The following MYOM2 variants were observed in gnomAD, a reference collection of about 807,000 sequenced individuals.
MYOM2 encodes myomesin 2.
In MYOM2, 254 loss-of-function variants were observed where a neutral mutation model predicts 187.6. That is an observed-to-expected ratio of 1.35 (90% CI 1.22 to 1.50). MYOM2 has a LOEUF of 1.50. MYOM2 is among the 40% of genes most tolerant of loss of function. MYOM2 has a pLI of 0.00. For missense variants in MYOM2, 2,796 were observed against 1,924.0 expected, an observed-to-expected ratio of 1.45 and a Z score of -8.48; for synonymous variants, 981 against 753.8, an observed-to-expected ratio of 1.30 and a Z score of -4.94.
intron 32 of MYOM2, among the ~76,000 whole-genome samples, chr8:2,140,037 C>G (rs1462351144): frequency 6.6e-6 from 1 of 152,110 alleles, no homozygotes; most frequent in Non-Finnish European, 1.5e-5. Context: ...TCCTCCCACC[C>G]GAAACTCTGT....
intron 34 of MYOM2, 144 bp downstream of exon 34, chr8:2,141,321 G>A (rs921813419): frequency 9.4e-6 from 6 of 640,310 alleles, no homozygotes; most frequent in African/African-American, 7.2e-5. Flanking sequence ...TTTAAGCAAT[G>A]CAGTATATGG....
chr8:2,093,859 T>C, intron 16 of MYOM2, 111 bp from the exon 17 acceptor site: 1 of 1,254,716 alleles, frequency 8.0e-7, no homozygotes, highest in Non-Finnish European at 1.1e-6. Flanking sequence ...ATGAAGGATG[T>C]ATGTTATCCA....
chr8:2,132,484 A>G (rs1274067714), intron 32 of MYOM2, among the ~76,000 whole-genome samples: 2 of 152,220 alleles, frequency 1.3e-5, no homozygotes, highest in Non-Finnish European at 2.9e-5. Context: ...GGTGAGATTA[A>G]TATATCATCT....
chr8:2,136,657 C>G (rs552109827), intron 32 of MYOM2, among the ~76,000 whole-genome samples: 1 of 152,294 alleles, frequency 6.6e-6, no homozygotes, highest in Admixed American at 6.5e-5. Context: ...CCACTGCTGC[C>G]CAGCCGGTGT....
At chr8:2,115,199 A>C (rs946548376) in intron 25 of MYOM2, among the ~76,000 whole-genome samples, 3 of 152,050 alleles carry the variant, frequency 2.0e-5, no homozygotes, top group Non-Finnish European at 2.9e-5. Flanking sequence ...ACAAAACATA[A>C]AAAAGAGAAA....
At chr8:2,140,956 A>G (rs1798254413) in intron 33 of MYOM2, 70 bp downstream of exon 33, 1 of 1,474,606 alleles carries the variant, frequency 6.8e-7, no homozygotes, top group Non-Finnish European at 9.2e-7. Flanking sequence ...GAAGGGAGGG[A>G]ATACAATATG....
intron 32 of MYOM2, among the ~76,000 whole-genome samples, chr8:2,138,941 A>G (rs954271820): frequency 3.3e-5 from 5 of 151,808 alleles, no homozygotes; most frequent in Admixed American, 3.3e-4. Flanking sequence ...CTATCCGGAC[A>G]GACTCAGTTC....
intron 25 of MYOM2, among the ~76,000 whole-genome samples, chr8:2,110,333 AC>A (rs1362739008): frequency 6.6e-6 from 1 of 152,160 alleles, no homozygotes; most frequent in African/African-American, 2.4e-5. Context: ...AACAACAACA[AC>A]AAAAAAGGCA....
At chr8:2,140,640 C>G in intron 32 of MYOM2, 83 bp from the exon 33 acceptor site, 2 of 1,412,060 alleles carry the variant, frequency 1.4e-6, no homozygotes, top group East Asian at 2.4e-5. Flanking sequence ...AAGGCTGTCA[C>G]AGCAACGGGA....
rs1797268647 is a variant in MYOM2, at chr8:2,116,966, T to C, written c.3385+691T>C. Among the ~76,000 whole-genome samples, 4 of 152,090 alleles carry C rather than the reference T, an allele frequency of 2.6e-5. No homozygotes were observed. In the South Asian group the frequency reaches 8.3e-4, roughly 32 times the overall value. ...AGTAGAGACGGACGGGGTTTCACCGTGTTAACCAGGATGGTCTCGATCTCC... is the reference window on the plus strand; with the variant it reads ...AGTAGAGACGGACGGGGTTTCACCGCGTTAACCAGGATGGTCTCGATCTCC... On this transcript the variant is annotated intron_variant, in intron 27 of 36. Coordinates refer to ENST00000262113, the MANE Select transcript of MYOM2 (RefSeq NM_003970.4).
intron 13 of MYOM2, among the ~76,000 whole-genome samples, chr8:2,082,657 T>A (rs1356243556): frequency 6.6e-6 from 1 of 152,202 alleles, no homozygotes; most frequent in Non-Finnish European, 1.5e-5. Flanking sequence ...GGACACTGTA[T>A]TTTTGGAAAG....
rs369564350 is a variant in MYOM2, at chr8:2,050,802, A to T, written c.36A>T (p.Arg12Ser). ...TGACTGTCCCCTTCTACCAGAAGAG[A>T]CATAGGCACTTCGACCAGTCCTACC... ...SLVTVPFYQKRHRHFDQSYRN... is the reference protein window; with the variant it reads ...SLVTVPFYQKSHRHFDQSYRN... The change falls in exon 2 of 37, where the codon AGA becomes AGT. Residue 12 changes from arginine (R) to serine (S), a missense_variant. By Grantham distance (110) the Arg-to-Ser change is moderately radical (BLOSUM62 -1). Coordinates refer to ENST00000262113, the MANE Select transcript of MYOM2 (RefSeq NM_003970.4). 9.5e-5 allele frequency: 154 copies of T among 1,613,512 alleles called. 1 individual carries two copies. In the South Asian group the frequency reaches 1.6e-3, roughly 17 times the overall value.
chr8:2,057,806 G>A (rs760541129), intron 5 of MYOM2, 26 bp downstream of exon 5: 5 of 1,605,330 alleles, frequency 3.1e-6, no homozygotes, highest in Non-Finnish European at 4.3e-6. Flanking sequence ...CCCAGGGGGT[G>A]AAGAAGTCCA....
At chr8:2,059,086 G>C (rs1010851792) in intron 5 of MYOM2, 67 bp from the exon 6 acceptor site, 2 of 1,364,110 alleles carry the variant, frequency 1.5e-6, no homozygotes. Context: ...GGGGGAGCTG[G>C]GGCAGAATTG....
At chr8:2,080,564 G>C (rs1360658799) in intron 13 of MYOM2, among the ~76,000 whole-genome samples, 1 of 152,228 alleles carries the variant, frequency 6.6e-6, no homozygotes, top group Non-Finnish European at 1.5e-5. Context: ...GAAGGACCTA[G>C]AACTCAGGAA....
At chr8:2,142,208 T>C (rs1281933503) in intron 34 of MYOM2, among the ~76,000 whole-genome samples, 167 bp from the exon 35 acceptor site, 2 of 152,164 alleles carry the variant, frequency 1.3e-5, no homozygotes, top group South Asian at 2.1e-4. Context: ...ATCAGTGATA[T>C]CCATCCTGGG....
At chr8:2,126,025 C>T (rs1370476027) in intron 31 of MYOM2, among the ~76,000 whole-genome samples, 1 of 152,128 alleles carries the variant, frequency 6.6e-6, no homozygotes, top group African/African-American at 2.4e-5. Context: ...CTCTTATACT[C>T]ATGAAATTAT....
chr8:2,085,161 A>G, intron 13 of MYOM2, 102 bp from the exon 14 acceptor site: 1 of 1,425,010 alleles, frequency 7.0e-7, no homozygotes, highest in Non-Finnish European at 9.5e-7. Flanking sequence ...GAAACAAAAC[A>G]AGTTCAACAC....
intron 14 of MYOM2, among the ~76,000 whole-genome samples, chr8:2,089,167 A>G (rs1796202346): frequency 6.6e-6 from 1 of 152,176 alleles, no homozygotes; most frequent in African/African-American, 2.4e-5. Flanking sequence ...TTACTACCAC[A>G]AAACTACTTT....
Sources: allele counts gnomAD v4.1 joint callset (sites outside exome capture counted in the v4.1 genomes callset), GRCh38; gene constraint gnomAD v4.1.1; transcripts MANE v1.5; gene names NCBI Gene and HGNC (gene_info 2026-07-23, HGNC 2026-07-21).